The following PUDP variants were observed in gnomAD, a reference collection of about 807,000 sequenced individuals.
PUDP encodes pseudouridine-5'-phosphatase.
In PUDP, 8 loss-of-function variants were observed where a neutral mutation model predicts 9.4. The observed-to-expected ratio is 0.85, with a 90% CI of 0.50 to 1.53. The LOEUF (loss-of-function observed/expected upper bound fraction) is 1.53. Ranked by LOEUF, PUDP falls within the 40% of genes most tolerant of loss-of-function variation. The probability of loss-of-function intolerance (pLI) is 0.00; values close to 1 mark genes in which losing one functional copy is unlikely to be tolerated. For missense variants in PUDP, 188 were observed against 189.7 expected, an observed-to-expected ratio of 0.99 and a Z score of 0.05; for synonymous variants, 99 against 80.7, an observed-to-expected ratio of 1.23 and a Z score of -1.22.
At chrX:7,081,348 C>T (rs755712896) in intron 2 of PUDP, among the ~76,000 whole-genome samples, 1 of 111,492 alleles carries the variant, frequency 9.0e-6, no homozygotes, top group East Asian at 2.8e-4. Flanking sequence ...GAGACAGGGT[C>T]TCCCTATGTT....
intron 3 of PUDP, among the ~76,000 whole-genome samples, chrX:6,903,412 C>T (rs916269709): frequency 6.3e-5 from 7 of 111,116 alleles, no homozygotes; most frequent in African/African-American, 2.3e-4. Flanking sequence ...TGTGGGTGTA[C>T]CTTTGACCCA....
Position 7,012,532 on chromosome X carries a change from T to G in PUDP, c.205-34189A>C, listed in dbSNP as rs190262215. On this transcript the variant is annotated intron_variant and NMD_transcript_variant, in intron 1 of 3. Transcript: ENST00000655425. ...TTGGCAGAGTCATCGGTAGAGTAGC[T>G]GCTGATCCCAGCAAGGCAGGGTGGG... 1.2e-3 allele frequency among the ~76,000 whole-genome samples: 132 copies of G among 111,521 alleles called. 3 individuals carry two copies. Among genetic ancestry groups the G allele is most frequent in the African/African-American group, 4.2e-3 (129 of 30,583 alleles).
At chrX:6,775,504 T>TACACAC (rs1555909727) in intron 3 of PUDP, among the ~76,000 whole-genome samples, 3 of 100,844 alleles carry the variant, frequency 3.0e-5, no homozygotes, top group African/African-American at 1.1e-4. Flanking sequence ...TACACACACA[T>TACACAC]ACACACACAC....
intron 3 of PUDP, among the ~76,000 whole-genome samples, chrX:6,892,345 C>T (rs947706053): frequency 9.9e-5 from 11 of 110,972 alleles, no homozygotes; most frequent in Admixed American, 4.8e-4. Context: ...AAATCATACC[C>T]GAGACTTGGT....
intron 1 of PUDP, among the ~76,000 whole-genome samples, chrX:6,714,191 C>A (rs1360504355): frequency 2.7e-5 from 3 of 112,028 alleles, no homozygotes; most frequent in Non-Finnish European, 5.6e-5. Context: ...CATACCCAGC[C>A]TCAACTGATT....
intron 3 of PUDP, among the ~76,000 whole-genome samples, chrX:6,965,374 C>G (rs968035086): frequency 8.9e-6 from 1 of 112,000 alleles, no homozygotes; most frequent in African/African-American, 3.2e-5. Context: ...TTCTCTTACC[C>G]CCAAGCACAT....
At chrX:7,038,509 G>A (rs1929881925) in intron 1 of PUDP, among the ~76,000 whole-genome samples, 1 of 111,535 alleles carries the variant, frequency 9.0e-6, no homozygotes, top group African/African-American at 3.3e-5. Context: ...AGATTTCTGA[G>A]AGATTACAGA....
chrX:6,934,579 G>A (rs1602679768), intron 3 of PUDP, among the ~76,000 whole-genome samples: 1 of 108,302 alleles, frequency 9.2e-6, no homozygotes, highest in African/African-American at 3.4e-5. Context: ...ATCGACTAAC[G>A]AGCAAAATAA....
intron 3 of PUDP, among the ~76,000 whole-genome samples, chrX:6,922,149 C>T (rs1187746487): frequency 1.8e-5 from 2 of 110,278 alleles, no homozygotes; most frequent in African/African-American, 3.3e-5. Context: ...TGGTTAATAG[C>T]TACAAAAAAA....
intron 3 of PUDP, among the ~76,000 whole-genome samples, chrX:6,757,843 G>A (rs1248989259): frequency 8.9e-6 from 1 of 112,438 alleles, no homozygotes; most frequent in Admixed American, 9.4e-5. Flanking sequence ...GTTTTGAACA[G>A]TAAGTCTGTG....
chrX:6,881,270 T>C (rs974022919), intron 3 of PUDP, among the ~76,000 whole-genome samples: 1 of 112,433 alleles, frequency 8.9e-6, no homozygotes, highest in African/African-American at 3.2e-5. Context: ...GTCGTTAAAC[T>C]ACAAGGCTCA....
intron 1 of PUDP, among the ~76,000 whole-genome samples, chrX:7,119,019 C>T (rs1932268736): frequency 8.9e-6 from 1 of 112,159 alleles, no homozygotes; most frequent in South Asian, 3.7e-4. Flanking sequence ...ATTAAGAATA[C>T]ATCACTATGT....
chrX:6,923,925 C>T (rs979492550), intron 3 of PUDP, among the ~76,000 whole-genome samples: 1 of 110,981 alleles, frequency 9.0e-6, no homozygotes, highest in Non-Finnish European at 1.9e-5. Context: ...GCAGTTCAGC[C>T]ACCCTTTCTC....
chrX:7,100,377 T>TTCGGCTG (rs2146892343), intron 2 of PUDP, among the ~76,000 whole-genome samples: 1 of 111,449 alleles, frequency 9.0e-6, no homozygotes, highest in Non-Finnish European at 1.9e-5. Context: ...CCTCCTTGGG[T>TTCGGCTG]TCGGCTGTCG....
intron 3 of PUDP, among the ~76,000 whole-genome samples, chrX:6,829,702 C>T (rs922369600): frequency 3.6e-5 from 4 of 111,756 alleles, no homozygotes; most frequent in Admixed American, 1.9e-4. Flanking sequence ...CTGTTATGAC[C>T]TTGAGCCCAT....
At chrX:7,001,496 AG>A (rs1929324083) in intron 1 of PUDP, among the ~76,000 whole-genome samples, 1 of 111,641 alleles carries the variant, frequency 9.0e-6, no homozygotes, top group Non-Finnish European at 1.9e-5. Flanking sequence ...AAAAAGAAGA[AG>A]ATGGAAAAAC....
intron 3 of PUDP, among the ~76,000 whole-genome samples, chrX:7,053,205 T>TG (rs143353200): frequency 1.8e-5 from 2 of 109,800 alleles, no homozygotes; most frequent in Non-Finnish European, 3.8e-5. Flanking sequence ...ACTGCTTGGC[T>TG]AAGTTGTGAA....
chrX:6,752,737 C>A (rs1220648911), intron 3 of PUDP, among the ~76,000 whole-genome samples: 1 of 110,495 alleles, frequency 9.1e-6, no homozygotes, highest in Non-Finnish European at 1.9e-5. Flanking sequence ...ATCATGGTGC[C>A]ATTTACTGAG....
At chrX:7,005,269 T>C (rs1929386724) in intron 1 of PUDP, among the ~76,000 whole-genome samples, 1 of 110,915 alleles carries the variant, frequency 9.0e-6, no homozygotes, top group Non-Finnish European at 1.9e-5. Context: ...CCTTTAAAAG[T>C]TGGTATAATT....
Sources: gnomAD v4.1 joint callset for allele counts (sites outside exome capture counted in the v4.1 genomes callset) on GRCh38, gnomAD v4.1.1 for gene constraint, MANE v1.5 for transcripts, NCBI Gene and HGNC (gene_info 2026-07-23, HGNC 2026-07-21) for gene names.